Variants in THRB observed in about 807,000 individuals in gnomAD.
THRB encodes the protein thyroid hormone receptor beta, also known as nuclear receptor subfamily 1 group A member 2.
A neutral mutation model predicts 47.8 loss-of-function variants in THRB; 12 were observed. The observed-to-expected ratio is 0.25, with a 90% CI of 0.16 to 0.41. The LOEUF is 0.41. THRB is among the 10% of genes least tolerant of loss of function. The pLI is 1.00. For synonymous variants in THRB, 218 were observed against 212.2 expected (o/e 1.03, Z -0.24); for missense variants, 348 against 589.2 (o/e 0.59, Z 4.24).
intron 2 of THRB, among the ~76,000 whole-genome samples, chr3:24,302,412 A>G (rs887668540): frequency 2.0e-5 from 3 of 152,154 alleles, no homozygotes; most frequent in Admixed American, 1.3e-4. Flanking sequence ...TATCTTATTA[A>G]GTCTTTTAAA....
At chr3:24,473,968 A>G (rs1307739308) in intron 1 of THRB, among the ~76,000 whole-genome samples, 2 of 152,090 alleles carry the variant, frequency 1.3e-5, no homozygotes, top group African/African-American at 4.8e-5. Flanking sequence ...TGGGGGATGA[A>G]GGGCTAGGGG....
intron 1 of THRB, among the ~76,000 whole-genome samples, chr3:24,460,158 T>C (rs1360632619): frequency 1.3e-5 from 2 of 152,238 alleles, no homozygotes; most frequent in East Asian, 1.9e-4. Context: ...ATGTATTATC[T>C]GGTGAACTCT....
chr3:24,173,821 G>A (rs886983145), intron 5 of THRB, among the ~76,000 whole-genome samples: 8 of 152,218 alleles, frequency 5.3e-5, no homozygotes, highest in Admixed American at 2.0e-4. Flanking sequence ...GCTATTGCCC[G>A]TGTGCAGATG....
intron 1 of THRB, among the ~76,000 whole-genome samples, chr3:24,384,736 C>A (rs562151310): frequency 6.6e-6 from 1 of 152,264 alleles, no homozygotes; most frequent in Non-Finnish European, 1.5e-5. Context: ...AGTACTGTAG[C>A]ACACTCCAAT....
At chr3:24,296,054 A>T (rs574788901) in intron 3 of THRB, among the ~76,000 whole-genome samples, 46 of 151,956 alleles carry the variant, frequency 3.0e-4, no homozygotes, top group Non-Finnish European at 5.1e-4. Context: ...CTCCTACCCC[A>T]AATTTCCACT....
rs534128720 is a variant in THRB, at chr3:24,439,448, T to C, written c.-261+55204A>G. ...CATGGGATCCTCTGTCTGGGATCTG[T>C]TGTATTATCCCCTACTTTACAAAAC... is the stretch of plus-strand genomic sequence containing the variant. On this transcript the variant is annotated intron_variant, in intron 1 of 10. Coordinates refer to ENST00000646209, the MANE Select transcript of THRB (RefSeq NM_001354712.2). Among the ~76,000 whole-genome samples, 26 of 152,312 alleles carry C rather than the reference T, an allele frequency of 1.7e-4. No individual in the cohort carries two copies. In the East Asian group the frequency reaches 3.3e-3, roughly 19 times the overall value.
intron 3 of THRB, among the ~76,000 whole-genome samples, chr3:24,264,770 A>G (rs760275001): frequency 6.9e-6 from 1 of 145,402 alleles, no homozygotes; most frequent in Non-Finnish European, 1.5e-5. Context: ...CACTTAGAGA[A>G]CCCCCTAAAA....
At chr3:24,205,976 T>C (rs1227347948) in intron 4 of THRB, among the ~76,000 whole-genome samples, 1 of 152,182 alleles carries the variant, frequency 6.6e-6, no homozygotes, top group Non-Finnish European at 1.5e-5. Context: ...ATGCACCTAA[T>C]ACAGGAGCAC....
chr3:24,452,098 T>A (rs1292417891), intron 1 of THRB, among the ~76,000 whole-genome samples: 1 of 152,082 alleles, frequency 6.6e-6, no homozygotes, highest in Non-Finnish European at 1.5e-5. Context: ...AGAAAGAGTC[T>A]TGGGGGCTGG....
intron 1 of THRB, among the ~76,000 whole-genome samples, chr3:24,345,261 C>T (rs554923319): frequency 6.6e-6 from 1 of 152,276 alleles, no homozygotes; most frequent in Non-Finnish European, 1.5e-5. Context: ...TATTGTCCCT[C>T]CTACCCCTTT....
rs780390733 is a variant in THRB, at chr3:24,494,751, C to G, written c.-360G>C. The G allele has an allele frequency of 6.6e-6, 1 of 152,030 alleles. No individual in the cohort carries two copies. Among genetic ancestry groups the G allele is most frequent in the Non-Finnish European group, 1.5e-5 (1 of 68,050 alleles). 9.4% of individuals were successfully genotyped at this position (152,030 alleles called of 1,614,324 possible). On this transcript the variant is annotated 5_prime_UTR_variant, in exon 1 of 11. Coordinates refer to ENST00000646209, the MANE Select transcript of THRB (RefSeq NM_001354712.2). ...GGGAAGGTAGCCTGCGGGCTCTTGC[C>G]CCGAGCCCGCGGAGCAGGAGGTCTC...
chr3:24,433,275 A>G (rs2070630068), intron 1 of THRB, among the ~76,000 whole-genome samples: 1 of 152,160 alleles, frequency 6.6e-6, no homozygotes. Flanking sequence ...AAATGTAGTT[A>G]AGGATTTTCT....
chr3:24,178,500 A>G (rs978913007), intron 5 of THRB, among the ~76,000 whole-genome samples: 2 of 152,206 alleles, frequency 1.3e-5, no homozygotes, highest in African/African-American at 4.8e-5. Context: ...AAAAAAAATC[A>G]TGAGGAAACA....
intron 9 of THRB, among the ~76,000 whole-genome samples, chr3:24,128,567 C>A (rs1353369128): frequency 6.6e-6 from 1 of 152,174 alleles, no homozygotes; most frequent in Admixed American, 6.5e-5. Flanking sequence ...GAAGGGGAGA[C>A]TATTTAATTA....
intron 5 of THRB, among the ~76,000 whole-genome samples, chr3:24,178,471 A>G (rs959962451): frequency 6.6e-6 from 1 of 152,212 alleles, no homozygotes; most frequent in Non-Finnish European, 1.5e-5. Context: ...AGCTTGGGCA[A>G]CAAAGTGAGA....
intron 1 of THRB, among the ~76,000 whole-genome samples, chr3:24,427,928 T>G (rs1000364611): frequency 6.6e-6 from 1 of 152,010 alleles, no homozygotes; most frequent in Non-Finnish European, 1.5e-5. Context: ...TTTCCATTAA[T>G]TCCTTCCTTT....
chr3:24,479,647 T>C (rs573328982), intron 1 of THRB, among the ~76,000 whole-genome samples: 11 of 152,182 alleles, frequency 7.2e-5, no homozygotes, highest in Non-Finnish European at 1.6e-4. Context: ...AATCAAATGC[T>C]GGTGTGGTCA....
chr3:24,224,152 T>C (rs2047423671), intron 4 of THRB, among the ~76,000 whole-genome samples: 1 of 151,950 alleles, frequency 6.6e-6, no homozygotes, highest in Non-Finnish European at 1.5e-5. Context: ...ACCCATCATT[T>C]CCTTTAACAT....
chr3:24,244,139 G>C (rs374446889), intron 3 of THRB, among the ~76,000 whole-genome samples: 18 of 152,184 alleles, frequency 1.2e-4, no homozygotes, highest in African/African-American at 4.1e-4. Flanking sequence ...GGATCCTTTT[G>C]GGGTGGATGA....
Sources: allele counts gnomAD v4.1 joint callset (sites outside exome capture counted in the v4.1 genomes callset), GRCh38; gene constraint gnomAD v4.1.1; transcripts MANE v1.5; gene names NCBI Gene and HGNC (gene_info 2026-07-23, HGNC 2026-07-21).